Variants in ATXN7 observed in about 807,000 individuals in gnomAD.
The protein encoded by ATXN7 is ataxin-7.
ATXN7 carries 12 observed loss-of-function variants against 70.5 expected under a neutral mutation model. The ratio of observed to expected loss-of-function variants is 0.17; its 90% CI spans 0.11 to 0.28. The LOEUF is 0.28. Among genes scored for constraint, ATXN7 ranks in the 10% least tolerant of loss-of-function variants. The pLI is 1.00. For missense variants in ATXN7, 1,256 were observed against 1,131.7 expected, an observed-to-expected ratio of 1.11 and a Z score of -1.58; for synonymous variants, 498 against 448.7, an observed-to-expected ratio of 1.11 and a Z score of -1.39.
At chr3:63,882,359 TG>T (rs1702938938) in intron 1 of ATXN7, among the ~76,000 whole-genome samples, 1 of 151,968 alleles carries the variant, frequency 6.6e-6, no homozygotes, top group African/African-American at 2.4e-5. Context: ...GTTTTTAATA[TG>T]ACCTATCCAT....
chr3:63,932,794 G>A (rs1452133203), intron 4 of ATXN7, among the ~76,000 whole-genome samples: 1 of 152,122 alleles, frequency 6.6e-6, no homozygotes, highest in Admixed American at 6.5e-5. Context: ...GTTCTTCCAG[G>A]CAGCTTCCCC....
intron 11 of ATXN7, among the ~76,000 whole-genome samples, chr3:63,992,216 T>C (rs1319190751): frequency 6.6e-6 from 1 of 152,236 alleles, no homozygotes; most frequent in Non-Finnish European, 1.5e-5. Context: ...TCCATGATCA[T>C]TAGCAGGACT....
intron 8 of ATXN7, among the ~76,000 whole-genome samples, chr3:63,985,675 C>CT (rs1396406670): frequency 1.3e-5 from 2 of 152,172 alleles, no homozygotes; most frequent in African/African-American, 4.8e-5. Flanking sequence ...TCTCTGTTGT[C>CT]TGTCTCCCAT....
At chr3:63,952,152 G>T (rs181722553) in intron 4 of ATXN7, among the ~76,000 whole-genome samples, 30 of 152,296 alleles carry the variant, frequency 2.0e-4, no homozygotes, top group African/African-American at 7.0e-4. Context: ...CATTTTAAAA[G>T]ATTGTTTCAC....
chr3:63,935,139 A>AATGT (rs1434687667), intron 4 of ATXN7, among the ~76,000 whole-genome samples: 4 of 152,214 alleles, frequency 2.6e-5, no homozygotes, highest in Non-Finnish European at 4.4e-5. Context: ...TGAATGAATG[A>AATGT]ATGTTGATGC....
intron 4 of ATXN7, among the ~76,000 whole-genome samples, chr3:63,951,291 T>C (rs2074949603): frequency 3.9e-5 from 6 of 152,084 alleles, no homozygotes; most frequent in Admixed American, 3.3e-4. Flanking sequence ...TATCCTCACT[T>C]GACATCTCCT....
At chr3:63,877,322 G>C (rs974917506) in intron 1 of ATXN7, among the ~76,000 whole-genome samples, 1 of 152,148 alleles carries the variant, frequency 6.6e-6, no homozygotes, top group Non-Finnish European at 1.5e-5. Flanking sequence ...CTTCTACCCA[G>C]AGATATCACT....
chr3:63,982,623 AGTGTGTGTGTGTGT>A (rs71099784), intron 7 of ATXN7, among the ~76,000 whole-genome samples, 178 bp downstream of exon 7: 9 of 143,576 alleles, frequency 6.3e-5, no homozygotes, highest in African/African-American at 1.0e-4. Context: ...AAAGAGCATG[AGTGTGTGTGTGTGT>A]GTGTGTGTGT....
intron 5 of ATXN7, among the ~76,000 whole-genome samples, chr3:63,970,748 C>T (rs552409333): frequency 6.6e-6 from 1 of 152,322 alleles, no homozygotes; most frequent in Non-Finnish European, 1.5e-5. Context: ...TCCCTTCCCC[C>T]ACTGGAGTGG....
In ATXN7 at chr3:63,963,642, A is replaced by G. The variant is rs1488172477; in HGVS notation, c.499+11159A>G. 2.0e-5 allele frequency among the ~76,000 whole-genome samples: 3 copies of G among 152,284 alleles called. No individual in the cohort carries two copies. The East Asian group carries it at 5.8e-4, about 29-fold the overall frequency. ...GCACACTTCTGCTCCTTTTCTACTC[A>G]ACAATACCTCATGTAAATCCATTCA... On this transcript the variant is annotated intron_variant, in intron 5 of 12. Coordinates refer to ENST00000674280, the MANE Select transcript of ATXN7 (RefSeq NM_001377405.1).
Position 63,981,794 on chromosome 3 carries a change from C to T in ATXN7, c.753-392C>T, listed in dbSNP as rs181205939. Among the ~76,000 whole-genome samples, 43 of 152,280 alleles carry T rather than the reference C, an allele frequency of 2.8e-4. No homozygotes were observed. In the East Asian group the frequency reaches 5.0e-3, roughly 18 times the overall value. On this transcript the variant is annotated intron_variant, in intron 6 of 12. Coordinates refer to ENST00000674280, the MANE Select transcript of ATXN7 (RefSeq NM_001377405.1). ...TTTACTTTGTTTTGATGAATCCTTT[C>T]GTACAAATGGCAGTCCTCAAAAGAT...
chr3:63,933,880 A>G (rs1007035400), intron 4 of ATXN7, among the ~76,000 whole-genome samples: 10 of 151,118 alleles, frequency 6.6e-5, no homozygotes, highest in African/African-American at 2.4e-4. Flanking sequence ...GTCGTTACCT[A>G]TTGGAGGGAG....
chr3:63,885,490 T>A (rs1703060063), intron 1 of ATXN7, among the ~76,000 whole-genome samples: 1 of 152,186 alleles, frequency 6.6e-6, no homozygotes, highest in African/African-American at 2.4e-5. Context: ...ACATTGGTAG[T>A]GGGGATGTAA....
At chr3:63,991,025 C>T (rs958951585) in intron 11 of ATXN7, 166 bp downstream of exon 11, 288 of 932,532 alleles carry the variant, frequency 3.1e-4, no homozygotes, top group Non-Finnish European at 4.0e-4. Flanking sequence ...TACCCCTTTA[C>T]CCCACAACTA....
At chr3:63,999,125 C>G in intron 12 of ATXN7, 1 of 270,204 alleles carries the variant, frequency 3.7e-6, no homozygotes, top group Non-Finnish European at 7.3e-6. Flanking sequence ...CACAAAAGCA[C>G]TGGAATACCT....
chr3:63,988,814 G>A (rs1004568475), intron 9 of ATXN7, among the ~76,000 whole-genome samples: 6 of 152,330 alleles, frequency 3.9e-5, no homozygotes, highest in African/African-American at 1.4e-4. Flanking sequence ...TAGTAGCAGA[G>A]TAAACAGTGG....
At position 63,982,456 on chromosome 3, in the gene ATXN7, A is replaced by C; in HGVS notation, c.1012+11A>C. 2.5e-6 allele frequency: 4 copies of C among 1,580,684 alleles called. No homozygotes were observed. Among genetic ancestry groups the C allele is most frequent in the Non-Finnish European group, 3.5e-6 (4 of 1,155,800 alleles). ...ATAAGAGATTATCAGGTAACTTCAA[A>C]TTTTCTTTCTTCATAATGCTTCTCT... is the stretch of plus-strand genomic sequence containing the variant. On this transcript the variant is annotated intron_variant, in intron 7 of 12. Transcript: ENST00000674280.
chr3:63,988,423 A>C (rs938208291), intron 9 of ATXN7, 99 bp downstream of exon 9: 18 of 1,457,818 alleles, frequency 1.2e-5, no homozygotes, highest in African/African-American at 4.3e-5. Flanking sequence ...AACATATCTC[A>C]GGCTCACTGT....
At chr3:63,893,607 C>T (rs112011197) in intron 1 of ATXN7, among the ~76,000 whole-genome samples, 4 of 152,266 alleles carry the variant, frequency 2.6e-5, no homozygotes, top group South Asian at 2.1e-4. Flanking sequence ...AGGCGTTCTA[C>T]GAAGTGTTGA....
Sources: gnomAD v4.1 joint callset for allele counts (sites outside exome capture counted in the v4.1 genomes callset) on GRCh38, gnomAD v4.1.1 for gene constraint, MANE v1.5 for transcripts, NCBI Gene and HGNC (gene_info 2026-07-23, HGNC 2026-07-21) for gene names.